SLC22A9: variants seen among roughly 807,000 people sequenced by gnomAD.
SLC22A9 encodes organic anion transporter 7.
SLC22A9 carries 64 observed loss-of-function variants against 50.1 expected under a neutral mutation model. The observed-to-expected ratio is 1.28, with a 90% confidence interval of 1.04 to 1.57. The LOEUF is 1.57. SLC22A9 is among the 40% of genes most tolerant of loss of function. The probability of loss-of-function intolerance (pLI) is 0.00; values close to 1 mark genes in which losing one functional copy is unlikely to be tolerated. For synonymous variants in SLC22A9, 261 were observed against 242.5 expected (o/e 1.08, Z -0.71); for missense variants, 757 against 676.1 (o/e 1.12, Z -1.33).
At chr11:63,406,222 C>T (rs1591029296) in intron 6 of SLC22A9, among the ~76,000 whole-genome samples, 1 of 152,184 alleles carries the variant, frequency 6.6e-6, no homozygotes, top group African/African-American at 2.4e-5. Context: ...TATCCTGCTT[C>T]ATAAGACACA....
intron 8 of SLC22A9, 80 bp downstream of exon 8, chr11:63,408,300 T>A: frequency 9.4e-7 from 1 of 1,062,422 alleles, no homozygotes; most frequent in Non-Finnish European, 1.4e-6. Flanking sequence ...GGAAGAAATC[T>A]AAGACTGGTT....
intron 6 of SLC22A9, among the ~76,000 whole-genome samples, chr11:63,406,276 C>T (rs528829806): frequency 3.9e-5 from 6 of 152,144 alleles, no homozygotes; most frequent in Non-Finnish European, 8.8e-5. Flanking sequence ...TAACTTCCAG[C>T]CTCTTCTCTA....
In SLC22A9 at chr11:63,370,033, T is replaced by G. The variant is rs1200019338; in HGVS notation, c.-24T>G. ...CTGGATACAGTCATTTTGCCTCTAC[T>G]TGAGGATCAACTGTTCAACCTCAAT... On this transcript the variant is annotated 5_prime_UTR_variant, in exon 1 of 10. Coordinates refer to ENST00000279178, the MANE Select transcript of SLC22A9 (RefSeq NM_080866.3). The G allele has an allele frequency of 1.9e-6, 3 of 1,595,234 alleles. No homozygotes were observed. In the South Asian group the frequency reaches 3.4e-5, roughly 18 times the overall value.
intron 6 of SLC22A9, among the ~76,000 whole-genome samples, chr11:63,397,660 C>A (rs1278328296): frequency 2.0e-5 from 3 of 152,078 alleles, no homozygotes; most frequent in Non-Finnish European, 4.4e-5. Flanking sequence ...TGGCCACCAC[C>A]ACCCCACGTT....
At chr11:63,407,661 T>C (rs1565190994) in intron 7 of SLC22A9, among the ~76,000 whole-genome samples, 1 of 152,126 alleles carries the variant, frequency 6.6e-6, no homozygotes, top group Non-Finnish European at 1.5e-5. Context: ...CTTTTATGAC[T>C]CTCTTCTGCA....
intron 6 of SLC22A9, among the ~76,000 whole-genome samples, chr11:63,386,006 T>G (rs1437036292): frequency 1.3e-5 from 2 of 152,180 alleles, no homozygotes; most frequent in Non-Finnish European, 2.9e-5. Flanking sequence ...ACATGAAGGA[T>G]GTTGAATTTT....
intron 5 of SLC22A9, among the ~76,000 whole-genome samples, chr11:63,377,767 TAATTTGAAAGAACACATTAGATGGA>T (rs2014489627): frequency 6.6e-6 from 1 of 151,946 alleles, no homozygotes; most frequent in Non-Finnish European, 1.5e-5. Context: ...CAAAGATTGG[TAATTTGAAAGAACACATTAGATGGA>T]TAGACTTTCT....
chr11:63,389,897 C>A (rs1351864332), intron 6 of SLC22A9, among the ~76,000 whole-genome samples: 1 of 152,178 alleles, frequency 6.6e-6, no homozygotes, highest in Non-Finnish European at 1.5e-5. Flanking sequence ...GATGGTATCT[C>A]ATTGTGGTTT....
chr11:63,373,654 A>T lies in SLC22A9; in HGVS notation c.517A>T (p.Arg173Trp). 6.4e-7 allele frequency: 1 copy of T among 1,556,196 alleles called. No homozygotes were observed. Reference protein sequence around the residue: ...GGHLSDRFGRRFVLRWCYLQV... With the variant: ...GGHLSDRFGRWFVLRWCYLQV... ...GTTTCTGTTTCTCAGGTTTGGGAGAAGGTTCGTGCTCAGATGGTGTTACCT... is the reference window on the plus strand; with the variant it reads ...GTTTCTGTTTCTCAGGTTTGGGAGATGGTTCGTGCTCAGATGGTGTTACCT... The change falls in exon 3 of 10, where the codon AGG becomes TGG. Residue 173 changes from arginine (R) to tryptophan (W), a missense_variant. Transcript: ENST00000279178.
At chr11:63,401,883 T>C (rs1323999476) in intron 6 of SLC22A9, among the ~76,000 whole-genome samples, 1 of 152,160 alleles carries the variant, frequency 6.6e-6, no homozygotes, top group Non-Finnish European at 1.5e-5. Flanking sequence ...TTTTATATGC[T>C]TGTTGGCCAT....
At chr11:63,402,872 C>CT (rs1160346925) in intron 6 of SLC22A9, among the ~76,000 whole-genome samples, 2 of 152,056 alleles carry the variant, frequency 1.3e-5, no homozygotes, top group African/African-American at 4.8e-5. Context: ...CCCATAAACA[C>CT]TAACATTTTT....
intron 5 of SLC22A9, among the ~76,000 whole-genome samples, chr11:63,380,054 G>C (rs1303604613): frequency 6.6e-6 from 1 of 151,936 alleles, no homozygotes; most frequent in Non-Finnish European, 1.5e-5. Flanking sequence ...CTCAAAAAAA[G>C]ACATACACAC....
At chr11:63,385,818 T>C (rs2014654787) in intron 6 of SLC22A9, among the ~76,000 whole-genome samples, 1 of 152,168 alleles carries the variant, frequency 6.6e-6, no homozygotes, top group African/African-American at 2.4e-5. Context: ...TGGCCAGAAC[T>C]TCCAATGCTA....
chr11:63,387,855 GT>G (rs1360108750), intron 6 of SLC22A9, among the ~76,000 whole-genome samples: 1 of 151,760 alleles, frequency 6.6e-6, no homozygotes, highest in African/African-American at 2.4e-5. Context: ...TCATCAGAGG[GT>G]TTTTTCACTT....
chr11:63,385,648 C>T (rs1343163295), intron 6 of SLC22A9, among the ~76,000 whole-genome samples: 4 of 151,938 alleles, frequency 2.6e-5, no homozygotes, highest in African/African-American at 9.7e-5. Flanking sequence ...GATTTTGTAT[C>T]CTGAGACTTT....
intron 6 of SLC22A9, among the ~76,000 whole-genome samples, chr11:63,400,573 A>G (rs1022620667): frequency 1.3e-5 from 2 of 152,140 alleles, no homozygotes; most frequent in Non-Finnish European, 2.9e-5. Flanking sequence ...AGAACAACTG[A>G]ATTCTACCAA....
Position 63,369,913 on chromosome 11 carries a change from G to C in SLC22A9, c.-144G>C, listed in dbSNP as rs2014317964. The C allele has an allele frequency of 5.0e-6, 4 of 807,980 alleles. No homozygotes were observed. The highest frequency in any genetic ancestry group is 7.5e-6 in the Non-Finnish European group (4 of 533,032). The allele number at this position is 807,980 out of a possible 1,614,324, so 50.1% of individuals were successfully genotyped here. A position where few individuals can be genotyped will look rare whatever the true frequency, so the allele number is the denominator to read the frequency against. ...ACTGTTTCCACGGTCCTGCTGCAGA[G>C]GGGAAGCACAGTCGTCAAGAAGAGA... On this transcript the variant is annotated 5_prime_UTR_variant, in exon 1 of 10. Coordinates refer to ENST00000279178, the MANE Select transcript of SLC22A9 (RefSeq NM_080866.3).
In SLC22A9 at chr11:63,387,186, G is replaced by T. The variant is rs116143514; in HGVS notation, c.1073+4909G>T. 4.0e-3 allele frequency among the ~76,000 whole-genome samples: 609 copies of T among 151,966 alleles called. 5 individuals carry two copies. The highest frequency in any genetic ancestry group is 0.013 in the African/African-American group (546 of 41,494). ...TCACTTTTGCTTTGGTTGCCTGTGC[G>T]TCTGGGGTATTACTAAAGAAATCCT... On this transcript the variant is annotated intron_variant, in intron 6 of 9. Transcript: ENST00000279178.
intron 5 of SLC22A9, among the ~76,000 whole-genome samples, chr11:63,377,089 C>A (rs543145816): frequency 6.6e-6 from 1 of 152,142 alleles, no homozygotes; most frequent in African/African-American, 2.4e-5. Flanking sequence ...ATAAATCATA[C>A]AATGATAGTT....
Sources: gnomAD v4.1 joint callset for allele counts (sites outside exome capture counted in the v4.1 genomes callset) on GRCh38, gnomAD v4.1.1 for gene constraint, MANE v1.5 for transcripts, NCBI Gene and HGNC (gene_info 2026-07-23, HGNC 2026-07-21) for gene names.